Variants in RBM38 observed in about 807,000 individuals in gnomAD.
The protein encoded by RBM38 is RNA binding motif protein 38, also known as RNA-binding protein 38.
A neutral mutation model predicts 23.5 loss-of-function variants in RBM38; 11 were observed. That is an observed-to-expected ratio of 0.47 (90% CI 0.29 to 0.77). The LOEUF (loss-of-function observed/expected upper bound fraction) is 0.77. Ranked by LOEUF, RBM38 falls within the 30% of genes least tolerant of loss-of-function variation. The pLI is 0.08. For missense variants in RBM38, 330 were observed against 351.9 expected, an observed-to-expected ratio of 0.94 and a Z score of 0.50; for synonymous variants, 165 against 166.1, an observed-to-expected ratio of 0.99 and a Z score of 0.05.
intron 3 of RBM38, chr20:57,400,055 C>T (rs1346293778): frequency 2.0e-5 from 9 of 451,330 alleles, no homozygotes; most frequent in East Asian, 7.0e-5. Context: ...CCGCCCACCA[C>T]GGGGTTCTCA....
chr20:57,392,615 C>G (rs1043409943), intron 1 of RBM38, 39 bp from the exon 2 acceptor site: 3 of 1,583,264 alleles, frequency 1.9e-6, no homozygotes, highest in Non-Finnish European at 2.6e-6. Context: ...GCCCCTGGTT[C>G]CCCCCACGGC....
intron 3 of RBM38, chr20:57,400,062 C>T (rs1226652104): frequency 1.8e-5 from 8 of 449,394 alleles, no homozygotes; most frequent in Middle Eastern, 4.8e-4. Context: ...CCACGGGGTT[C>T]TCAGACTCTG....
chr20:57,392,860 CT>C, intron 2 of RBM38, 83 bp downstream of exon 2: 1 of 1,539,966 alleles, frequency 6.5e-7, no homozygotes, highest in Non-Finnish European at 8.8e-7. Context: ...GAGGCCCCCC[CT>C]CCTCGCCCCA....
At chr20:57,392,904 G>T (rs2067235737) in intron 2 of RBM38, 127 bp downstream of exon 2, 1 of 1,300,314 alleles carries the variant, frequency 7.7e-7, no homozygotes, top group Non-Finnish European at 1.1e-6. Context: ...TGCCTGCAGA[G>T]CCGGCACAGG....
rs1296212402 is a variant in RBM38 at position 57,393,288 on chromosome 20, T to C, written c.371T>C (p.Ile124Thr). 6.2e-7 allele frequency: 1 copy of C among 1,613,822 alleles called. No homozygotes were observed. The highest frequency in any genetic ancestry group is 8.5e-7 in the Non-Finnish European group (1 of 1,179,838). ...KPRSLQTGFA[I>T]GVQQLHPTLI... Reference sequence around the variant, plus strand: ...TGTTCTCTCGTTTTAGGCTTTGCCATTGGGGTGCAGCAGCTGCACCCCACC... The same window carrying C: ...TGTTCTCTCGTTTTAGGCTTTGCCACTGGGGTGCAGCAGCTGCACCCCACC... Residue 124 changes from isoleucine (I) to threonine (T), a missense_variant, in exon 3 of 4, where the codon ATT (isoleucine) becomes ACT (threonine). Coordinates refer to ENST00000356208, the MANE Select transcript of RBM38 (RefSeq NM_017495.6).
chr20:57,391,755 C>T lies in RBM38; in HGVS notation c.174C>T (p.Gly58=). The T allele has an allele frequency of 6.4e-7, 1 of 1,571,414 alleles. No homozygotes were observed. Residue 58 remains glycine (G), a synonymous_variant, in exon 1 of 4, where the codon GGC becomes GGT. Transcript: ENST00000356208. ...TCAGGAAGTACTTCGAGGGCTTCGGCGACATCGAGGAGGCCGTGGTCATCA... is the reference window on the plus strand; with the variant it reads ...TCAGGAAGTACTTCGAGGGCTTCGGTGACATCGAGGAGGCCGTGGTCATCA... ...ASLRKYFEGF[G]DIEEAVVITD... is the part of the protein sequence containing the mutation.
At chr20:57,398,841 G>A (rs534997995) in intron 3 of RBM38, among the ~76,000 whole-genome samples, 8 of 152,298 alleles carry the variant, frequency 5.3e-5, no homozygotes, top group African/African-American at 1.7e-4. Context: ...AGCTTTCCTC[G>A]TTTAGCCTCA....
chr20:57,408,946 C>T lies in RBM38; in HGVS notation c.*1100C>T, dbSNP rs1600763307. On this transcript the variant is annotated 3_prime_UTR_variant, in exon 4 of 4. Transcript: ENST00000356208. ...GGGGGCAGTGGCCCTCAGCTCTGCC[C>T]GCTGGAGCGGTTGAGTGCAGAAGGG... 2 of 152,814 alleles carry T rather than the reference C, an allele frequency of 1.3e-5. No individual in the cohort carries two copies. Among genetic ancestry groups the T allele is most frequent in the African/African-American group, 2.4e-5 (1 of 41,464 alleles). 9.5% of individuals were successfully genotyped at this position (152,814 alleles called of 1,614,324 possible). A position where few individuals can be genotyped will look rare whatever the true frequency, so the allele number is the denominator to read the frequency against.
At chr20:57,396,156 C>T (rs959269862) in intron 3 of RBM38, among the ~76,000 whole-genome samples, 13 of 152,210 alleles carry the variant, frequency 8.5e-5, no homozygotes, top group African/African-American at 2.4e-4. Context: ...TGCTATTTGC[C>T]GGAGTTTCCT....
At chr20:57,396,792 C>T (rs894779611) in intron 3 of RBM38, among the ~76,000 whole-genome samples, 3 of 152,226 alleles carry the variant, frequency 2.0e-5, no homozygotes, top group African/African-American at 7.2e-5. Context: ...ATCTGTGAGT[C>T]TCTTGGACCT....
Position 57,408,019 on chromosome 20 carries a change from G to A in RBM38, c.*173G>A. ...TGCGCCCTGGGACAGCGGAGAGACGGCTTCTCTTTAATCTAGGTCCCATTG... is the reference window on the plus strand; with the variant it reads ...TGCGCCCTGGGACAGCGGAGAGACGACTTCTCTTTAATCTAGGTCCCATTG... On this transcript the variant is annotated 3_prime_UTR_variant, in exon 4 of 4. Transcript: ENST00000356208. 1.4e-6 allele frequency: 1 copy of A among 721,236 alleles called. No individual in the cohort carries two copies. Among genetic ancestry groups the A allele is most frequent in the Non-Finnish European group, 2.2e-6 (1 of 446,526 alleles). The allele number at this position is 721,236 out of a possible 1,614,324, so 44.7% of individuals were successfully genotyped here.
intron 3 of RBM38, among the ~76,000 whole-genome samples, chr20:57,394,255 G>C (rs2067251617): frequency 6.6e-6 from 1 of 151,602 alleles, no homozygotes; most frequent in Non-Finnish European, 1.5e-5. Context: ...GACACAGCTT[G>C]AGGAGTAACC....
Position 57,408,039 on chromosome 20 carries a change from C to A in RBM38, c.*193C>A. 1 of 657,818 alleles carries A rather than the reference C, an allele frequency of 1.5e-6. No individual in the cohort carries two copies. The allele number at this position is 657,818 out of a possible 1,614,324, so 40.7% of individuals were successfully genotyped here. ...AGACGGCTTCTCTTTAATCTAGGTC[C>A]CATTGTGTCTTGAGGGAGGACTTTA... On this transcript the variant is annotated 3_prime_UTR_variant, in exon 4 of 4. Coordinates refer to ENST00000356208, the MANE Select transcript of RBM38 (RefSeq NM_017495.6).
chr20:57,408,356 G>A lies in RBM38; in HGVS notation c.*510G>A, dbSNP rs1199856073. 1.3e-5 allele frequency: 2 copies of A among 159,806 alleles called. No individual in the cohort carries two copies. The highest frequency in any genetic ancestry group is 5.8e-5 in the Admixed American group (1 of 17,364). The allele number at this position is 159,806 out of a possible 1,614,324, so 9.9% of individuals were successfully genotyped here. On this transcript the variant is annotated 3_prime_UTR_variant, in exon 4 of 4. Transcript: ENST00000356208. ...CTGAGGTGTGAGGACACGGCCTCCT[G>A]TTGGAGTCCCATTTTCTCCATCAGG...
rs748481872 is a variant in RBM38, at chr20:57,392,790, G to A, written c.361+13G>A. On this transcript the variant is annotated intron_variant, in intron 2 of 3. Coordinates refer to ENST00000356208, the MANE Select transcript of RBM38 (RefSeq NM_017495.6). ...AGCCTCCAGACGGGTGAGAGCTTGT[G>A]TTTTCCTGCCTGGCTCTTCTCGGTT... 6.2e-7 allele frequency: 1 copy of A among 1,610,574 alleles called. No homozygotes were observed. The highest frequency in any genetic ancestry group is 2.2e-5 in the East Asian group (1 of 44,850).
intron 3 of RBM38, among the ~76,000 whole-genome samples, chr20:57,398,704 G>A (rs114033636): frequency 0.01 from 1,587 of 152,326 alleles, 25 homozygotes; most frequent in African/African-American, 0.036. Flanking sequence ...GCTCTTCTCC[G>A]AGCATGAGTT....
chr20:57,399,455 A>G (rs1025700810), intron 3 of RBM38, among the ~76,000 whole-genome samples: 2 of 152,178 alleles, frequency 1.3e-5, no homozygotes, highest in Admixed American at 6.5e-5. Flanking sequence ...CTGGGTGTCT[A>G]TTTTAAAGAA....
At chr20:57,397,979 T>C (rs1232482035) in intron 3 of RBM38, among the ~76,000 whole-genome samples, 1 of 152,094 alleles carries the variant, frequency 6.6e-6, no homozygotes. Flanking sequence ...CTTCACAGTT[T>C]GTGTGTAACT....
rs573491844 is a variant in RBM38, at chr20:57,400,573, C to T, written c.417-6970C>T. ...CTGAGTCATCCTTCCGCAGACACCCCGGACCCCAGCTAGGTGCCTGTGCCC... is the reference window on the plus strand; with the variant it reads ...CTGAGTCATCCTTCCGCAGACACCCTGGACCCCAGCTAGGTGCCTGTGCCC... On this transcript the variant is annotated intron_variant, in intron 3 of 3. Coordinates refer to ENST00000356208, the MANE Select transcript of RBM38 (RefSeq NM_017495.6). Among the ~76,000 whole-genome samples the T allele has an allele frequency of 2.2e-4, 34 of 152,298 alleles. No homozygotes were observed. In the East Asian group the frequency reaches 6.0e-3, roughly 27 times the overall value.
Sources: allele counts gnomAD v4.1 joint callset (sites outside exome capture counted in the v4.1 genomes callset), GRCh38; gene constraint gnomAD v4.1.1; transcripts MANE v1.5; gene names NCBI Gene and HGNC (gene_info 2026-07-23, HGNC 2026-07-21).